The following ERBB4 variants were observed in gnomAD, a reference collection of about 807,000 sequenced individuals.
ERBB4 encodes erb-b2 receptor tyrosine kinase 4.
ERBB4 carries 42 observed loss-of-function variants against 158.0 expected under a neutral mutation model. The ratio of observed to expected loss-of-function variants is 0.27; its 90% CI spans 0.21 to 0.34. The LOEUF (loss-of-function observed/expected upper bound fraction) is 0.34, where lower values mean the gene tolerates loss of function less well. Among genes scored for constraint, ERBB4 ranks in the 10% least tolerant of loss-of-function variants. ERBB4 has a pLI of 1.00. For missense variants in ERBB4, 1,333 were observed against 1,624.1 expected, an observed-to-expected ratio of 0.82 and a Z score of 3.08; for synonymous variants, 583 against 558.7, an observed-to-expected ratio of 1.04 and a Z score of -0.61.
At chr2:211,649,148 A>G (rs1045237900) in intron 16 of ERBB4, among the ~76,000 whole-genome samples, 1 of 151,872 alleles carries the variant, frequency 6.6e-6, no homozygotes, top group Non-Finnish European at 1.5e-5. Context: ...TGAGAACTGC[A>G]TTATAAAATC....
intron 3 of ERBB4, among the ~76,000 whole-genome samples, chr2:211,935,361 T>C (rs1355346757): frequency 6.6e-6 from 1 of 152,120 alleles, no homozygotes; most frequent in Non-Finnish European, 1.5e-5. Flanking sequence ...AGGTAAGATA[T>C]GCTCTCAATG....
chr2:211,771,710 G>C (rs1359952311), intron 4 of ERBB4, among the ~76,000 whole-genome samples: 2 of 151,658 alleles, frequency 1.3e-5, no homozygotes, highest in South Asian at 4.1e-4. Context: ...TTCTTGCGAA[G>C]TGTGTGTGTA....
At chr2:212,056,007 C>T (rs577990603) in intron 2 of ERBB4, among the ~76,000 whole-genome samples, 33 of 152,248 alleles carry the variant, frequency 2.2e-4, no homozygotes, top group African/African-American at 6.3e-4. Context: ...CTGAACCCAT[C>T]GCAAAGAAGC....
chr2:211,858,350 A>G (rs1238973942), intron 3 of ERBB4, among the ~76,000 whole-genome samples: 1 of 152,216 alleles, frequency 6.6e-6, no homozygotes, highest in Non-Finnish European at 1.5e-5. Context: ...AATTGCTTTG[A>G]TCCTCCAATG....
chr2:212,479,249 C>A (rs986541979), intron 1 of ERBB4, among the ~76,000 whole-genome samples: 1 of 152,078 alleles, frequency 6.6e-6, no homozygotes, highest in Admixed American at 6.6e-5. Context: ...CTTTATCTCC[C>A]CTGATTGCCT....
intron 3 of ERBB4, among the ~76,000 whole-genome samples, chr2:211,822,338 G>A (rs371429551): frequency 2.6e-5 from 4 of 151,924 alleles, no homozygotes; most frequent in East Asian, 1.9e-4. Context: ...TAATGGATAT[G>A]CTAATTAGTC....
At chr2:212,131,742 A>T (rs11684050) in intron 1 of ERBB4, among the ~76,000 whole-genome samples, 66,440 of 152,048 alleles carry the variant, frequency 0.44, 17,860 homozygotes, top group Non-Finnish European at 0.6. Flanking sequence ...TACCATGCCC[A>T]GTGATGAAAT....
intron 3 of ERBB4, among the ~76,000 whole-genome samples, chr2:211,894,289 T>A (rs1349968065): frequency 6.8e-6 from 1 of 147,912 alleles, no homozygotes; most frequent in African/African-American, 2.5e-5. Flanking sequence ...GAAATCATCA[T>A]TCTCAGTAAA....
At chr2:211,728,012 A>G (rs542392488) in intron 5 of ERBB4, among the ~76,000 whole-genome samples, 1 of 152,060 alleles carries the variant, frequency 6.6e-6, no homozygotes, top group East Asian at 1.9e-4. Context: ...TTCTTCTATT[A>G]GTATCCTGGT....
intron 1 of ERBB4, among the ~76,000 whole-genome samples, chr2:212,180,603 A>AT (rs2081828196): frequency 1.3e-5 from 2 of 151,676 alleles, no homozygotes; most frequent in South Asian, 2.1e-4. Flanking sequence ...ATTATGCTGA[A>AT]TCGGGTATTT....
intron 1 of ERBB4, among the ~76,000 whole-genome samples, chr2:212,379,083 G>A (rs139163288): frequency 1.3e-5 from 2 of 151,734 alleles, no homozygotes; most frequent in East Asian, 3.9e-4. Context: ...CAAGTGAAAT[G>A]TTCAATTTTT....
intron 1 of ERBB4, among the ~76,000 whole-genome samples, chr2:212,286,968 T>C (rs2086012952): frequency 6.6e-6 from 1 of 151,366 alleles, no homozygotes; most frequent in Non-Finnish European, 1.5e-5. Context: ...TGTGGAGTCT[T>C]GATAACCACC....
At chr2:212,093,746 T>C (rs2078846850) in intron 2 of ERBB4, among the ~76,000 whole-genome samples, 2 of 152,190 alleles carry the variant, frequency 1.3e-5, no homozygotes, top group South Asian at 4.1e-4. Context: ...CAGCAGTCAG[T>C]AAACACATTA....
intron 3 of ERBB4, among the ~76,000 whole-genome samples, chr2:211,820,105 A>G (rs925868500): frequency 3.9e-5 from 6 of 151,940 alleles, no homozygotes; most frequent in Non-Finnish European, 7.4e-5. Context: ...AGTAAGGTAC[A>G]TAAACAGATA....
chr2:211,378,672 A>G lies in ERBB4; in HGVS notation c.*4943T>C, dbSNP rs1197379922. On this transcript the variant is annotated 3_prime_UTR_variant, in exon 28 of 28. Coordinates refer to ENST00000342788, the MANE Select transcript of ERBB4 (RefSeq NM_005235.3). ...TAATATCAGTAATAATGAGGTCTCC[A>G]CTGATAATGATCTTTTAAAATTATG... 10 of 232,264 alleles carry G rather than the reference A, an allele frequency of 4.3e-5. No homozygotes were observed. Among genetic ancestry groups the G allele is most frequent in the Non-Finnish European group, 6.0e-5 (7 of 117,184 alleles). 14.4% of individuals were successfully genotyped at this position (232,264 alleles called of 1,614,324 possible).
At chr2:211,531,041 G>T (rs1375122469) in intron 20 of ERBB4, among the ~76,000 whole-genome samples, 2 of 151,956 alleles carry the variant, frequency 1.3e-5, no homozygotes, top group Admixed American at 6.6e-5. Flanking sequence ...TTTGACAAAG[G>T]TACCAAGAAC....
At position 212,021,149 on chromosome 2, in the gene ERBB4, T is replaced by G. The variant is rs542239043; in HGVS notation, c.235-73533A>C. Among the ~76,000 whole-genome samples the G allele has an allele frequency of 3.9e-3, 595 of 152,284 alleles. 1 individual carries two copies. Among genetic ancestry groups the G allele is most frequent in the Middle Eastern group, 0.017 (5 of 294 alleles). Reference sequence around the variant, plus strand: ...AGATGTTTACTTTTCTCTTCTTACCTTTTTGATCCAGACATATGATTTTGA... The same window carrying G: ...AGATGTTTACTTTTCTCTTCTTACCGTTTTGATCCAGACATATGATTTTGA... On this transcript the variant is annotated intron_variant, in intron 2 of 27. Transcript: ENST00000342788.
At chr2:211,830,394 G>A (rs1575210422) in intron 3 of ERBB4, among the ~76,000 whole-genome samples, 1 of 151,950 alleles carries the variant, frequency 6.6e-6, no homozygotes, top group Non-Finnish European at 1.5e-5. Flanking sequence ...AATAACTAAT[G>A]GGCTCTTTCC....
At chr2:211,948,950 G>T (rs1267316451) in intron 2 of ERBB4, among the ~76,000 whole-genome samples, 1 of 151,842 alleles carries the variant, frequency 6.6e-6, no homozygotes, top group Non-Finnish European at 1.5e-5. Context: ...CCTATCAATG[G>T]CTGAACTCTT....
Sources: gnomAD v4.1 joint callset for allele counts (sites outside exome capture counted in the v4.1 genomes callset) on GRCh38, gnomAD v4.1.1 for gene constraint, MANE v1.5 for transcripts, NCBI Gene and HGNC (gene_info 2026-07-23, HGNC 2026-07-21) for gene names.